ZNF692: variants seen among roughly 807,000 people sequenced by gnomAD.
ZNF692 encodes AICAR responsive element binding protein.
In ZNF692, 41 loss-of-function variants were observed where a neutral mutation model predicts 49.0. That is an observed-to-expected ratio of 0.84 (90% confidence interval 0.65 to 1.08). The LOEUF is 1.08. ZNF692 is among the 50% of genes least tolerant of loss of function. ZNF692 has a pLI of 0.00. For missense variants in ZNF692, 662 were observed against 662.2 expected (o/e 1.00, Z 0.00); for synonymous variants, 288 against 251.5 (o/e 1.15, Z -1.37).
At chr1:248,853,434 T>C (rs1320517214) in intron 10 of ZNF692, among the ~76,000 whole-genome samples, 2 of 152,232 alleles carry the variant, frequency 1.3e-5, no homozygotes, top group Non-Finnish European at 1.5e-5. Context: ...CCATCAACTA[T>C]GTGACTTCTC....
chr1:248,852,843 A>G (rs1305144716), intron 10 of ZNF692, among the ~76,000 whole-genome samples: 1 of 152,094 alleles, frequency 6.6e-6, no homozygotes, highest in Non-Finnish European at 1.5e-5. Flanking sequence ...CTAGAGTGCC[A>G]TGACACTCAC....
At position 248,858,242 on chromosome 1, in the gene ZNF692, C is replaced by A; in HGVS notation, c.68G>T (p.Arg23Leu). 1.3e-6 allele frequency: 2 copies of A among 1,586,980 alleles called. No homozygotes were observed. The highest frequency in any genetic ancestry group is 1.7e-6 in the Non-Finnish European group (2 of 1,166,820). ...CAGGCGGATGCGGCACTTGCTGCGGCGCGCGTCCAGCTGCCGCCGCTTCTC... is the reference window on the plus strand; with the variant it reads ...CAGGCGGATGCGGCACTTGCTGCGGAGCGCGTCCAGCTGCCGCCGCTTCTC... ...RREKRRQLDARRSKCRIRLGG... is the reference protein window; with the variant it reads ...RREKRRQLDALRSKCRIRLGG... Residue 23 changes from arginine to leucine, a missense_variant, in exon 2 of 12, where the codon CGC (arginine) becomes CTC (leucine). By Grantham distance (102) the Arg-to-Leu change is moderately radical. Transcript: ENST00000306601. The surrounding 1 kb of genome is among the most constrained non-coding windows in gnomAD (Gnocchi z 4.3).
At position 248,858,148 on chromosome 1, in the gene ZNF692, G is replaced by A; in HGVS notation, c.162C>T (p.Ala54=). ...RLGFSLHSQL[A]KFLLDRYTSS... is the part of the protein sequence containing the mutation. Reference sequence around the variant, plus strand: ...CCCCTAACCGGTCCAACAGGAACTTGGCGAGCTGCGAGTGCAGGGAGAAGC... The same window carrying A: ...CCCCTAACCGGTCCAACAGGAACTTAGCGAGCTGCGAGTGCAGGGAGAAGC... Residue 54 remains alanine, a synonymous_variant, in exon 2 of 12, where the codon GCC becomes GCT. Coordinates refer to ENST00000306601, the MANE Select transcript of ZNF692 (RefSeq NM_017865.4). This position sits in a 1 kb window ranked among gnomAD's most constrained non-coding sequence, Gnocchi z 4.3. 1 of 1,568,166 alleles carries A rather than the reference G, an allele frequency of 6.4e-7. No individual in the cohort carries two copies. Among genetic ancestry groups the A allele is most frequent in the East Asian group, 2.3e-5 (1 of 44,228 alleles).
chr1:248,857,210 T>G, intron 4 of ZNF692, 24 bp downstream of exon 4: 1 of 1,599,514 alleles, frequency 6.3e-7, no homozygotes. Flanking sequence ...CTTTTCTCCA[T>G]AACTCTGCTT....
chr1:248,857,085 T>TA (rs1397750362), intron 4 of ZNF692, 149 bp downstream of exon 4: 2 of 841,074 alleles, frequency 2.4e-6, no homozygotes, highest in Non-Finnish European at 3.7e-6. Flanking sequence ...TTGCTTTTCA[T>TA]GCCCAACAGT....
intron 4 of ZNF692, 94 bp from the exon 5 acceptor site, chr1:248,856,656 C>CA: frequency 7.7e-7 from 1 of 1,304,534 alleles, no homozygotes; most frequent in Non-Finnish European, 1.1e-6. Flanking sequence ...GGAGACTCCT[C>CA]TTTTTTTTTT....
chr1:248,857,514 A>T lies in ZNF692; in HGVS notation c.212-17T>A, dbSNP rs777327434. 9 of 1,605,300 alleles carry T rather than the reference A, an allele frequency of 5.6e-6. No individual in the cohort carries two copies. Among genetic ancestry groups the T allele is most frequent in the Non-Finnish European group, 7.7e-6 (9 of 1,175,064 alleles). ...GCTCAGGACCTGGAGGGGTGGGGGAAGCAGTCAGGCTGAACTGGGAAGTCT... is the reference window on the plus strand; with the variant it reads ...GCTCAGGACCTGGAGGGGTGGGGGATGCAGTCAGGCTGAACTGGGAAGTCT... On this transcript the variant is annotated splice_polypyrimidine_tract_variant and intron_variant, in intron 3 of 11. Transcript: ENST00000306601.
Position 248,855,385 on chromosome 1 carries a change from A to G in ZNF692, c.1033T>C (p.Leu345=). The change falls in exon 9 of 12, where the codon TTG becomes CTG. Residue 345 remains leucine, a synonymous_variant. Transcript: ENST00000306601. The stretch of plus-strand genomic sequence containing the variant: ...CCCCAACCTGTGCCCCTCACATTCA[A>G]ATACTGCCGGTTGGAGAAGATCCTT... ...CGRIFSNRQY[L]NHHKKYQHIH... is the part of the protein sequence containing the mutation. 6.2e-7 allele frequency: 1 copy of G among 1,614,078 alleles called. No individual in the cohort carries two copies. The highest frequency in any genetic ancestry group is 2.2e-5 in the East Asian group (1 of 44,868).
rs1659464395 is a variant in ZNF692 at position 248,850,694 on chromosome 1, T to TC, written c.1240dup (p.Glu414GlyfsTer7). The TC allele has an allele frequency of 6.2e-7, 1 of 1,613,988 alleles. No individual in the cohort carries two copies. Among genetic ancestry groups the TC allele is most frequent in the African/African-American group, 1.3e-5 (1 of 74,906 alleles). ...CCCCAGCACTCACTGCAGGGGTTTT[T>TC]CTCCAGTGTGGATACGTCTGTGGAT... is the stretch of plus-strand genomic sequence containing the variant. On this transcript the variant is annotated frameshift_variant, in exon 11 of 12. Coordinates refer to ENST00000306601, the MANE Select transcript of ZNF692 (RefSeq NM_017865.4). LOFTEE classifies it low-confidence loss of function (END_TRUNC).
rs750174830 is a variant in ZNF692 at position 248,857,406 on chromosome 1, C to T, written c.303G>A (p.Arg101=). ...SRECSLVPGL[R]GPGGQDGGLV... Reference sequence around the variant, plus strand: ...GCCCCCCATCTTGGCCGCCAGGCCCCCGAAGCCCGGGCACCAGGCTGCACT... The same window carrying T: ...GCCCCCCATCTTGGCCGCCAGGCCCTCGAAGCCCGGGCACCAGGCTGCACT... The change falls in exon 4 of 12, where the codon CGG becomes CGA. Residue 101 remains arginine, a synonymous_variant. Transcript: ENST00000306601. The T allele has an allele frequency of 6.2e-7, 1 of 1,614,120 alleles. No homozygotes were observed. The highest frequency in any genetic ancestry group is 1.1e-5 in the South Asian group (1 of 91,074).
At position 248,850,684 on chromosome 1, in the gene ZNF692, C is replaced by T; in HGVS notation, c.1251G>A (p.Leu417=). 6.2e-7 allele frequency: 1 copy of T among 1,614,166 alleles called. No individual in the cohort carries two copies. Among genetic ancestry groups the T allele is most frequent in the Non-Finnish European group, 8.5e-7 (1 of 1,179,994 alleles). Residue 417 remains leucine (L), a splice_region_variant and synonymous_variant, in exon 11 of 12, where the codon CTG becomes CTA. Coordinates refer to ENST00000306601, the MANE Select transcript of ZNF692 (RefSeq NM_017865.4). ...TCAGACCCCACCCCAGCACTCACTG[C>T]AGGGGTTTTTCTCCAGTGTGGATAC... The part of the protein sequence containing the change: ...HRRIHTGEKP[L]QCEICGFTCR...
intron 6 of ZNF692, 138 bp from the exon 7 acceptor site, chr1:248,856,084 T>C (rs749059735): frequency 2.4e-5 from 28 of 1,189,498 alleles, no homozygotes; most frequent in Non-Finnish European, 3.2e-5. Context: ...CATTCATATC[T>C]GCTTTCAGCC....
chr1:248,857,935 G>A (rs571632762), intron 2 of ZNF692, 76 bp from the exon 3 acceptor site: 2 of 1,588,816 alleles, frequency 1.3e-6, no homozygotes, highest in African/African-American at 2.7e-5. Flanking sequence ...CACATGTAAG[G>A]GGCCAGCCCT....
Position 248,850,674 on chromosome 1 carries a change from G to A in ZNF692, c.1253+8C>T, listed in dbSNP as rs1659458187. On this transcript the variant is annotated splice_region_variant and intron_variant, in intron 11 of 11. Transcript: ENST00000306601. ...CCCCTGGCCCTCAGACCCCACCCCAGCACTCACTGCAGGGGTTTTTCTCCA... is the reference window on the plus strand; with the variant it reads ...CCCCTGGCCCTCAGACCCCACCCCAACACTCACTGCAGGGGTTTTTCTCCA... 2 of 1,613,764 alleles carry A rather than the reference G, an allele frequency of 1.2e-6. No homozygotes were observed. The highest frequency in any genetic ancestry group is 2.7e-5 in the African/African-American group (2 of 74,854).
intron 6 of ZNF692, 85 bp downstream of exon 6, chr1:248,856,203 T>A: frequency 6.7e-7 from 1 of 1,494,256 alleles, no homozygotes; most frequent in Non-Finnish European, 9.0e-7. Flanking sequence ...TAACAAGCCC[T>A]TCCCTCTAGT....
chr1:248,853,939 CTG>C lies in ZNF692; in HGVS notation c.1149_1150del (p.His383GlnfsTer2), dbSNP rs1386005197. On this transcript the variant is annotated frameshift_variant, in exon 10 of 12. Transcript: ENST00000306601. LOFTEE classifies it high-confidence loss of function. ...GAAGGTGGAGTTCCACCACTCACCA[CTG>C]TGCAGCTTCATGTGCTCCTTCAGGT... is the stretch of plus-strand genomic sequence containing the variant. The C allele has an allele frequency of 1.2e-6, 2 of 1,612,938 alleles. No individual in the cohort carries two copies. The highest frequency in any genetic ancestry group is 3.3e-5 in the Admixed American group (2 of 60,026).
rs1029359481 is a variant in ZNF692, at chr1:248,858,664, C to T, written c.-13+254G>A. ...GCTGGGGGCGGTCCACACATTTCAT[C>T]TTGAATAGGGCAGCGGCCTTTACTG... On this transcript the variant is annotated intron_variant, in intron 1 of 11. Coordinates refer to ENST00000306601, the MANE Select transcript of ZNF692 (RefSeq NM_017865.4). The surrounding 1 kb of genome is among the most constrained non-coding windows in gnomAD (Gnocchi z 4.3). 1.5e-4 allele frequency: 151 copies of T among 1,029,236 alleles called. No individual in the cohort carries two copies. The highest frequency in any genetic ancestry group is 2.1e-4 in the Non-Finnish European group (139 of 676,046). The allele number at this position is 1,029,236 out of a possible 1,614,324, so 63.8% of individuals were successfully genotyped here. A position where few individuals can be genotyped will look rare whatever the true frequency, so the allele number is the denominator to read the frequency against.
At position 248,855,940 on chromosome 1, in the gene ZNF692, C is replaced by T; in HGVS notation, c.666G>A (p.Glu222=). The stretch of plus-strand genomic sequence containing the variant: ...AAGGCAGTAGTCTGGGGGCATCAGG[C>T]TCACTACTGAAAGGAGAACAAAGAG... ...WTYSSSPDDS[E]PDAPRLLPSP... The change falls in exon 7 of 12, where the codon GAG becomes GAA. Residue 222 remains glutamate, a synonymous_variant. Coordinates refer to ENST00000306601, the MANE Select transcript of ZNF692 (RefSeq NM_017865.4). 6.2e-7 allele frequency: 1 copy of T among 1,613,824 alleles called. No individual in the cohort carries two copies. Among genetic ancestry groups the T allele is most frequent in the Non-Finnish European group, 8.5e-7 (1 of 1,179,960 alleles).
chr1:248,853,797 G>A, intron 10 of ZNF692, 140 bp downstream of exon 10: 1 of 631,422 alleles, frequency 1.6e-6, no homozygotes, highest in Non-Finnish European at 2.8e-6. Context: ...TCCCTCGGAG[G>A]GAGGTGAAGA....
Sources: allele counts gnomAD v4.1 joint callset (sites outside exome capture counted in the v4.1 genomes callset), GRCh38; gene constraint gnomAD v4.1.1; non-coding constraint Gnocchi (gnomAD v3.1); transcripts MANE v1.5; gene names NCBI Gene and HGNC (gene_info 2026-07-23, HGNC 2026-07-21).